The following MROH9 variants were observed in gnomAD, a reference collection of about 807,000 sequenced individuals.
The protein encoded by MROH9 is maestro heat-like repeat-containing protein family member 9.
Under a neutral mutation model 98.2 loss-of-function variants are expected in MROH9, and 92 were observed. That is an observed-to-expected ratio of 0.94 (90% CI 0.79 to 1.11). The LOEUF (loss-of-function observed/expected upper bound fraction) is 1.11. MROH9 is among the 50% of genes most tolerant of loss of function. The probability of loss-of-function intolerance (pLI) is 0.00; values close to 1 mark genes in which losing one functional copy is unlikely to be tolerated. For synonymous variants in MROH9, 397 were observed against 368.9 expected (o/e 1.08, Z -0.87); for missense variants, 1,057 against 1,014.8 (o/e 1.04, Z -0.57).
At chr1:171,038,307 A>G (rs929337182) in intron 20 of MROH9, among the ~76,000 whole-genome samples, 10 of 152,242 alleles carry the variant, frequency 6.6e-5, no homozygotes, top group Admixed American at 3.3e-4. Context: ...GATGCAAACA[A>G]TGTTTCTATC....
chr1:171,053,202 T>C (rs1653725111), intron 20 of MROH9, among the ~76,000 whole-genome samples: 1 of 152,180 alleles, frequency 6.6e-6, no homozygotes, highest in South Asian at 2.1e-4. Context: ...CTTCACCCAC[T>C]TCAAAGCAAG....
Position 170,987,478 on chromosome 1 carries a change from C to T in MROH9, c.879+768C>T, listed in dbSNP as rs187311316. The stretch of plus-strand genomic sequence containing the variant: ...TAAATGTGTAAGCACATGCAGTGTT[C>T]GCCTTTCCTCCACAGTCTCTCTCTC... On this transcript the variant is annotated intron_variant, in intron 10 of 21. Coordinates refer to ENST00000367759, the MANE Select transcript of MROH9 (RefSeq NM_001163629.2). Among the ~76,000 whole-genome samples the T allele has an allele frequency of 1.2e-3, 178 of 152,286 alleles. 3 individuals are homozygous for T. Among genetic ancestry groups the T allele is most frequent in the African/African-American group, 4.1e-3 (171 of 41,554 alleles).
intron 9 of MROH9, 96 bp from the exon 10 acceptor site, chr1:170,986,465 G>A (rs1651134721): frequency 1.5e-5 from 20 of 1,332,292 alleles, no homozygotes; most frequent in Non-Finnish European, 2.1e-5. Context: ...TTGTGGCCCT[G>A]CTTGGCTCTT....
chr1:170,992,228 A>G lies in MROH9; in HGVS notation c.1093A>G (p.Thr365Ala). Residue 365 changes from threonine to alanine, a missense_variant, in exon 12 of 22, where the codon ACA (threonine) becomes GCA (alanine). By Grantham distance (58) the Thr-to-Ala change is moderately conservative (BLOSUM62 0). Coordinates refer to ENST00000367759, the MANE Select transcript of MROH9 (RefSeq NM_001163629.2). ...QASVAPHVLKTILLILKGKPG... is the reference protein window; with the variant it reads ...QASVAPHVLKAILLILKGKPG... ...GAGCGTGGCCCCTCACGTGCTGAAGACAATCTTATTGATACTGAAAGGAAA... is the reference window on the plus strand; with the variant it reads ...GAGCGTGGCCCCTCACGTGCTGAAGGCAATCTTATTGATACTGAAAGGAAA... 1 of 1,613,566 alleles carries G rather than the reference A, an allele frequency of 6.2e-7. No homozygotes were observed. Among genetic ancestry groups the G allele is most frequent in the South Asian group, 1.1e-5 (1 of 91,046 alleles).
chr1:171,058,959 A>G (rs1377528709), intron 20 of MROH9, among the ~76,000 whole-genome samples: 1 of 152,238 alleles, frequency 6.6e-6, no homozygotes, highest in Non-Finnish European at 1.5e-5. Context: ...CAAAAATGCC[A>G]AAAGCAATCA....
At chr1:171,050,963 A>AT (rs544126402) in intron 20 of MROH9, among the ~76,000 whole-genome samples, 148 of 151,990 alleles carry the variant, frequency 9.7e-4, no homozygotes, top group Admixed American at 2.4e-3. Flanking sequence ...ACATTTATTG[A>AT]TTTTTTTTAT....
intron 20 of MROH9, among the ~76,000 whole-genome samples, chr1:171,027,169 G>A (rs56840081): frequency 0.038 from 5,715 of 152,070 alleles, 326 homozygotes; most frequent in African/African-American, 0.12. Context: ...GTGGTTCGCT[G>A]CCCCTATTGA....
chr1:171,003,390 T>G (rs1250510329), intron 15 of MROH9, among the ~76,000 whole-genome samples: 1 of 152,208 alleles, frequency 6.6e-6, no homozygotes, highest in African/African-American at 2.4e-5. Flanking sequence ...AGGGAAGGTC[T>G]AGGGATGAAG....
intron 20 of MROH9, among the ~76,000 whole-genome samples, chr1:171,029,156 G>A (rs1258574636): frequency 6.6e-6 from 1 of 151,936 alleles, no homozygotes; most frequent in Non-Finnish European, 1.5e-5. Context: ...TTGGCTGTGG[G>A]TTTGTCTTAA....
intron 15 of MROH9, among the ~76,000 whole-genome samples, chr1:171,013,517 C>T (rs1652229138): frequency 6.6e-6 from 1 of 152,108 alleles, no homozygotes; most frequent in Non-Finnish European, 1.5e-5. Flanking sequence ...AAAACTGGTC[C>T]CTGGTGCCAA....
chr1:170,962,062 G>T, intron 6 of MROH9, 86 bp downstream of exon 6: 1 of 711,042 alleles, frequency 1.4e-6, no homozygotes, highest in East Asian at 3.3e-5. Context: ...TGCTATATTT[G>T]CATCTCCTTC....
At chr1:171,024,788 CT>C (rs1199748438) in intron 19 of MROH9, 23 bp downstream of exon 19, 1 of 1,363,396 alleles carries the variant, frequency 7.3e-7, no homozygotes, top group African/African-American at 1.4e-5. Flanking sequence ...TCCATTTTTA[CT>C]ACTATAAGAG....
In MROH9 at chr1:170,989,995, A is replaced by G. The variant is rs1204092053; in HGVS notation, c.1020A>G (p.Pro340=). ...TTCAACTTATGGACTACCCAGTTCC[A>G]GCAGACGAGTAAGGCCCCCCAACCC... ...VIFQLMDYPV[P]ADDTLIQMWK... Residue 340 remains proline (P), a synonymous_variant, in exon 11 of 22, where the codon CCA becomes CCG. Coordinates refer to ENST00000367759, the MANE Select transcript of MROH9 (RefSeq NM_001163629.2). 1 of 1,610,584 alleles carries G rather than the reference A, an allele frequency of 6.2e-7. No individual in the cohort carries two copies. Among genetic ancestry groups the G allele is most frequent in the Non-Finnish European group, 8.5e-7 (1 of 1,177,634 alleles).
Position 170,967,062 on chromosome 1 carries a change from G to A in MROH9, c.480+1807G>A, listed in dbSNP as rs16863877. ...ATCACTTCTTTCCATTACTGTAGTA[G>A]AGTTCATTCTCCTTTGCATACATCC... On this transcript the variant is annotated intron_variant, in intron 7 of 21. Coordinates refer to ENST00000367759, the MANE Select transcript of MROH9 (RefSeq NM_001163629.2). 4.3e-3 allele frequency among the ~76,000 whole-genome samples: 654 copies of A among 152,210 alleles called. 7 individuals carry two copies. The highest frequency in any genetic ancestry group is 0.015 in the African/African-American group (633 of 41,548).
At position 170,966,262 on chromosome 1, in the gene MROH9, AG is replaced by A. The variant is rs1370056163; in HGVS notation, c.480+1009del. 3.3e-5 allele frequency among the ~76,000 whole-genome samples: 5 copies of A among 152,210 alleles called. No individual in the cohort carries two copies. The East Asian group carries it at 9.6e-4, about 29-fold the overall frequency. On this transcript the variant is annotated intron_variant, in intron 7 of 21. Transcript: ENST00000367759. The stretch of plus-strand genomic sequence containing the variant: ...TTTGCATTTCGGATGGAGAACAAAT[AG>A]GTATGTCATAATCACCAGTATTTAC...
At chr1:171,005,811 A>C (rs1651934915) in intron 15 of MROH9, among the ~76,000 whole-genome samples, 1 of 152,070 alleles carries the variant, frequency 6.6e-6, no homozygotes, top group African/African-American at 2.4e-5. Context: ...GACTTGCAGC[A>C]CTTTACACTT....
At chr1:171,039,123 T>C (rs1229296464) in intron 20 of MROH9, among the ~76,000 whole-genome samples, 1 of 152,194 alleles carries the variant, frequency 6.6e-6, no homozygotes, top group African/African-American at 2.4e-5. Context: ...CTTGGCATTT[T>C]GGTTAATTTG....
intron 1 of MROH9, among the ~76,000 whole-genome samples, chr1:170,935,816 AC>A (rs1648853112): frequency 6.6e-6 from 1 of 151,688 alleles, no homozygotes; most frequent in Admixed American, 6.6e-5. Context: ...ACTTGGTGAA[AC>A]CCCATCTCTA....
At chr1:170,956,554 AGTT>A (rs1259442253) in intron 3 of MROH9, among the ~76,000 whole-genome samples, 1 of 143,200 alleles carries the variant, frequency 7.0e-6, no homozygotes, top group East Asian at 2.0e-4. Context: ...TATATTCCTA[AGTT>A]GTTGTTGGTT....
Sources: gnomAD v4.1 joint callset for allele counts (sites outside exome capture counted in the v4.1 genomes callset) on GRCh38, gnomAD v4.1.1 for gene constraint, MANE v1.5 for transcripts, NCBI Gene and HGNC (gene_info 2026-07-23, HGNC 2026-07-21) for gene names.